Variants in GALNTL6 observed in about 807,000 individuals in gnomAD.
GALNTL6 encodes polypeptide N-acetylgalactosaminyltransferase like 6.
GALNTL6 carries 46 observed loss-of-function variants against 73.7 expected under a neutral mutation model. That is an observed-to-expected ratio of 0.62 (90% CI 0.49 to 0.80). The LOEUF is 0.80. GALNTL6 is among the 30% of genes least tolerant of loss of function. GALNTL6 has a pLI of 0.00. For missense variants in GALNTL6, 604 were observed against 755.0 expected (o/e 0.80, Z 2.34); for synonymous variants, 259 against 263.7 (o/e 0.98, Z 0.17).
chr4:172,273,606 TG>T (rs1334639494), intron 3 of GALNTL6, among the ~76,000 whole-genome samples: 1 of 152,092 alleles, frequency 6.6e-6, no homozygotes, highest in African/African-American at 2.4e-5. Context: ...AGGAGCTGAA[TG>T]AGAGTTCTTT....
chr4:171,890,850 T>C (rs528456546), intron 2 of GALNTL6, among the ~76,000 whole-genome samples: 2 of 152,210 alleles, frequency 1.3e-5, no homozygotes, highest in South Asian at 4.1e-4. Flanking sequence ...ATCAAGTCAT[T>C]ACCGGTAAAA....
At chr4:172,409,379 A>G (rs1253404430) in intron 5 of GALNTL6, among the ~76,000 whole-genome samples, 2 of 152,030 alleles carry the variant, frequency 1.3e-5, no homozygotes, top group African/African-American at 4.8e-5. Flanking sequence ...AATTACAAAT[A>G]ATTATTATAT....
chr4:172,421,414 C>G (rs1283505443), intron 5 of GALNTL6, among the ~76,000 whole-genome samples: 1 of 151,782 alleles, frequency 6.6e-6, no homozygotes, highest in Non-Finnish European at 1.5e-5. Context: ...CTATAATATG[C>G]TGGATACTTG....
At chr4:172,574,377 C>T (rs1024827777) in intron 5 of GALNTL6, among the ~76,000 whole-genome samples, 5 of 151,680 alleles carry the variant, frequency 3.3e-5, no homozygotes, top group Non-Finnish European at 7.4e-5. Flanking sequence ...GATTATTTGA[C>T]TGTAAATCTC....
At chr4:172,928,466 AC>A (rs1173772051) in intron 8 of GALNTL6, among the ~76,000 whole-genome samples, 2 of 152,326 alleles carry the variant, frequency 1.3e-5, no homozygotes, top group Middle Eastern at 3.4e-3. Context: ...ATAAATGCTA[AC>A]TTGTGCTGTA....
intron 2 of GALNTL6, among the ~76,000 whole-genome samples, chr4:171,835,510 A>C (rs1735074637): frequency 6.6e-6 from 1 of 152,018 alleles, no homozygotes; most frequent in South Asian, 2.1e-4. Flanking sequence ...AAGCTCTAAA[A>C]TATATTACTT....
At chr4:172,097,045 A>G (rs1213472527) in intron 2 of GALNTL6, among the ~76,000 whole-genome samples, 1 of 152,220 alleles carries the variant, frequency 6.6e-6, no homozygotes, top group Admixed American at 6.5e-5. Context: ...TATGTATGCC[A>G]GGTTTCCAAT....
chr4:172,410,841 T>C (rs1744405948), intron 5 of GALNTL6, among the ~76,000 whole-genome samples: 1 of 152,108 alleles, frequency 6.6e-6, no homozygotes, highest in Non-Finnish European at 1.5e-5. Context: ...TGTGACACAA[T>C]GATTTTCCCT....
intron 2 of GALNTL6, among the ~76,000 whole-genome samples, chr4:172,226,585 GTGTCTGTGTGTGTGTGTTTC>G: frequency 2.2e-5 from 1 of 44,652 alleles, no homozygotes; most frequent in Non-Finnish European, 4.4e-5. Flanking sequence ...GTGTGTCTGT[GTGTCTGTGTGTGTGTGTTTC>G]TGTGTGTGTG....
chr4:172,024,637 T>G (rs113398834), intron 2 of GALNTL6, among the ~76,000 whole-genome samples: 2,192 of 152,050 alleles, frequency 0.014, 41 homozygotes, highest in African/African-American at 0.049. Flanking sequence ...CCCATTAATT[T>G]TGTATCATAT....
At chr4:173,024,928 T>A (rs1214084900) in intron 12 of GALNTL6, among the ~76,000 whole-genome samples, 1 of 152,148 alleles carries the variant, frequency 6.6e-6, no homozygotes, top group Admixed American at 6.5e-5. Flanking sequence ...ATAAGATCAA[T>A]ATTTCCTAGG....
chr4:173,005,548 G>A (rs910257332), intron 10 of GALNTL6, among the ~76,000 whole-genome samples: 6 of 152,014 alleles, frequency 3.9e-5, no homozygotes, highest in Admixed American at 2.0e-4. Flanking sequence ...TATTATTAGC[G>A]TGAATAAACA....
intron 5 of GALNTL6, among the ~76,000 whole-genome samples, chr4:172,609,253 C>G (rs1738423753): frequency 6.6e-6 from 1 of 152,094 alleles, no homozygotes; most frequent in East Asian, 1.9e-4. Flanking sequence ...TAGATTTTGC[C>G]CATTCATTAT....
At chr4:171,986,100 A>T (rs1456505771) in intron 2 of GALNTL6, among the ~76,000 whole-genome samples, 3 of 150,856 alleles carry the variant, frequency 2.0e-5, no homozygotes, top group Admixed American at 2.0e-4. Flanking sequence ...GGCACATATG[A>T]TAGTTTCACT....
At chr4:172,950,991 G>A (rs1749416035) in intron 9 of GALNTL6, among the ~76,000 whole-genome samples, 1 of 152,162 alleles carries the variant, frequency 6.6e-6, no homozygotes, top group Non-Finnish European at 1.5e-5. Flanking sequence ...TCTCTCTACT[G>A]TTTAGCACCA....
chr4:172,452,265 T>C (rs970259490), intron 5 of GALNTL6, among the ~76,000 whole-genome samples: 3 of 151,398 alleles, frequency 2.0e-5, no homozygotes, highest in Admixed American at 1.3e-4. Flanking sequence ...CTTATAAAAG[T>C]GAACAAAAAA....
chr4:172,009,896 G>A (rs2110776796), intron 2 of GALNTL6, among the ~76,000 whole-genome samples: 1 of 152,186 alleles, frequency 6.6e-6, no homozygotes, highest in East Asian at 1.9e-4. Context: ...AGATATTACT[G>A]CAGCACAAGG....
chr4:172,297,258 GT>G (rs1180090802), intron 3 of GALNTL6, among the ~76,000 whole-genome samples: 17 of 152,140 alleles, frequency 1.1e-4, no homozygotes, highest in Admixed American at 1.0e-3. Context: ...GATATTAGCC[GT>G]TTGTCAGATG....
At chr4:172,748,848 T>G (rs1737260276) in intron 5 of GALNTL6, among the ~76,000 whole-genome samples, 1 of 152,182 alleles carries the variant, frequency 6.6e-6, no homozygotes, top group African/African-American at 2.4e-5. Flanking sequence ...TGTATACAGG[T>G]ATTGTACTGC....
Sources: gnomAD v4.1 joint callset for allele counts (sites outside exome capture counted in the v4.1 genomes callset) on GRCh38, gnomAD v4.1.1 for gene constraint, MANE v1.5 for transcripts, NCBI Gene and HGNC (gene_info 2026-07-23, HGNC 2026-07-21) for gene names.